PHC1: variants seen among roughly 807,000 people sequenced by gnomAD.
PHC1 encodes polyhomeotic homolog 1.
Under a neutral mutation model 104.3 loss-of-function variants are expected in PHC1, and 12 were observed. The observed-to-expected ratio is 0.12, with a 90% confidence interval of 0.07 to 0.19. The LOEUF (loss-of-function observed/expected upper bound fraction) is 0.19, where lower values mean the gene tolerates loss of function less well. PHC1 is among the 10% of genes least tolerant of loss of function. The probability of loss-of-function intolerance (pLI) is 1.00; values close to 1 mark genes in which losing one functional copy is unlikely to be tolerated. For missense variants in PHC1, 671 were observed against 1,200.0 expected (o/e 0.56, Z 6.51); for synonymous variants, 302 against 455.8 (o/e 0.66, Z 4.30).
chr12:8,924,558 T>A (rs1019475802), intron 6 of PHC1, among the ~76,000 whole-genome samples: 2 of 152,236 alleles, frequency 1.3e-5, no homozygotes, highest in African/African-American at 4.8e-5. Context: ...TACATTACTT[T>A]GCAATGCCTT....
At chr12:8,936,257 T>C (rs10400516) in intron 11 of PHC1, among the ~76,000 whole-genome samples, 115,412 of 152,088 alleles carry the variant, frequency 0.76, 44,889 homozygotes, top group Non-Finnish European at 0.84. Context: ...TGGCACATGC[T>C]TGTAGTCCCA....
chr12:8,921,520 T>G lies in PHC1; in HGVS notation c.307-81T>G, dbSNP rs756699129. On this transcript the variant is annotated intron_variant, in intron 4 of 14. Transcript: ENST00000544916. ...GTGAAATACTCTGTTCTTGACTGTG[T>G]GACTCTGAATTTGTCAGTCACGTAC... is the stretch of plus-strand genomic sequence containing the variant. The G allele has an allele frequency of 2.9e-4, 368 of 1,254,522 alleles. 1 individual carries two copies. Among genetic ancestry groups the G allele is most frequent in the Non-Finnish European group, 4.1e-4 (352 of 863,784 alleles). 77.7% of individuals were successfully genotyped at this position (1,254,522 alleles called of 1,614,324 possible).
At chr12:8,938,711 A>T (rs1482147313) in intron 14 of PHC1, among the ~76,000 whole-genome samples, 1 of 152,178 alleles carries the variant, frequency 6.6e-6, no homozygotes, top group East Asian at 1.9e-4. Context: ...AAAAGAAAAC[A>T]TGCTTTTATT....
Position 8,933,816 on chromosome 12 carries a change from TATC to T in PHC1, c.1894-48_1894-46del, listed in dbSNP as rs1490611779. The T allele has an allele frequency of 5.9e-6, 9 of 1,517,158 alleles. No homozygotes were observed. The South Asian group carries it at 1.1e-4, about 18-fold the overall frequency. 94.0% of individuals were successfully genotyped at this position (1,517,158 alleles called of 1,614,324 possible). On this transcript the variant is annotated intron_variant, in intron 8 of 14. Coordinates refer to ENST00000544916, the MANE Select transcript of PHC1 (RefSeq NM_004426.3). ...TATGGTAATAATTGTGGTTCCTTAT[TATC>T]CTTCATTTGTACATCTTTGTTTCTT...
intron 14 of PHC1, among the ~76,000 whole-genome samples, 200 bp from the exon 15 acceptor site, chr12:8,939,105 C>T (rs991357076): frequency 3.9e-5 from 6 of 152,220 alleles, no homozygotes; most frequent in Admixed American, 2.6e-4. Context: ...GGATTATAGG[C>T]GTGAGCCTCT....
chr12:8,936,755 T>G (rs1592212828), intron 11 of PHC1, 101 bp from the exon 12 acceptor site: 2 of 772,188 alleles, frequency 2.6e-6, no homozygotes, highest in South Asian at 1.6e-5. Flanking sequence ...TTTTTGGGGG[T>G]GAACCCTGAG....
At chr12:8,928,966 C>T (rs747158959) in intron 6 of PHC1, among the ~76,000 whole-genome samples, 11 of 152,242 alleles carry the variant, frequency 7.2e-5, no homozygotes, top group African/African-American at 2.4e-4. Context: ...GATTCCAGGT[C>T]GTGGTTGCTA....
At chr12:8,918,249 A>C (rs903538643) in intron 2 of PHC1, among the ~76,000 whole-genome samples, 1 of 152,246 alleles carries the variant, frequency 6.6e-6, no homozygotes, top group African/African-American at 2.4e-5. Flanking sequence ...AAATAGTTCT[A>C]ATTATTAAAG....
intron 6 of PHC1, among the ~76,000 whole-genome samples, chr12:8,927,067 A>G (rs1378515527): frequency 6.6e-6 from 1 of 152,184 alleles, no homozygotes; most frequent in Non-Finnish European, 1.5e-5. Flanking sequence ...AGAGCAGCAG[A>G]TAGGAAAATC....
chr12:8,940,667 A>G lies in PHC1; in HGVS notation c.*1208A>G, dbSNP rs1945985966. On this transcript the variant is annotated 3_prime_UTR_variant, in exon 15 of 15. Coordinates refer to ENST00000544916, the MANE Select transcript of PHC1 (RefSeq NM_004426.3). The stretch of plus-strand genomic sequence containing the variant: ...TTCAGTGGCCCAGGGGTTCACTATT[A>G]AAGAAAGATCAGTCCAGGTTTCTGG... 1.5e-5 allele frequency: 1 copy of G among 67,320 alleles called. No individual in the cohort carries two copies. Among genetic ancestry groups the G allele is most frequent in the African/African-American group, 7.4e-5 (1 of 13,508 alleles). 4.2% of individuals were successfully genotyped at this position (67,320 alleles called of 1,614,324 possible).
At chr12:8,921,931 A>C (rs1453146912) in intron 5 of PHC1, among the ~76,000 whole-genome samples, 181 bp downstream of exon 5, 1 of 152,200 alleles carries the variant, frequency 6.6e-6, no homozygotes, top group Non-Finnish European at 1.5e-5. Flanking sequence ...CTCCTGCCTC[A>C]GCCTCCCAGG....
At chr12:8,924,749 A>G (rs1032215569) in intron 6 of PHC1, among the ~76,000 whole-genome samples, 4 of 152,214 alleles carry the variant, frequency 2.6e-5, no homozygotes, top group Non-Finnish European at 5.9e-5. Flanking sequence ...AGAAGAGGTC[A>G]TTGCTGGGGT....
chr12:8,925,598 A>T (rs921032229), intron 6 of PHC1, among the ~76,000 whole-genome samples: 7 of 152,172 alleles, frequency 4.6e-5, no homozygotes, highest in Non-Finnish European at 1.0e-4. Flanking sequence ...CAGTGTGTCC[A>T]AAGGTCCTGA....
At chr12:8,922,369 A>G (rs1321505565) in intron 5 of PHC1, among the ~76,000 whole-genome samples, 6 of 152,222 alleles carry the variant, frequency 3.9e-5, no homozygotes, top group Non-Finnish European at 8.8e-5. Flanking sequence ...ATATATAAGT[A>G]CTTGTTCTAA....
chr12:8,930,999 C>CT (rs1237727533), intron 7 of PHC1, 72 bp downstream of exon 7: 1 of 1,481,250 alleles, frequency 6.8e-7, no homozygotes, highest in Non-Finnish European at 9.0e-7. Flanking sequence ...CTTTTTTTGC[C>CT]TTTTTTTCTT....
At chr12:8,915,097 T>C (rs1487616346) in intron 1 of PHC1, 2 of 152,640 alleles carry the variant, frequency 1.3e-5, no homozygotes, top group Non-Finnish European at 2.9e-5. Context: ...CTTCTCTGAC[T>C]TTGGTCCTTC....
chr12:8,921,908 G>T (rs774705651), intron 5 of PHC1, among the ~76,000 whole-genome samples, 158 bp downstream of exon 5: 6 of 152,308 alleles, frequency 3.9e-5, no homozygotes, highest in Non-Finnish European at 8.8e-5. Flanking sequence ...CTGCCTCCCA[G>T]GTTCCAGCGA....
Position 8,919,745 on chromosome 12 carries a change from T to C in PHC1, c.115-11T>C, listed in dbSNP as rs758221045. ...GGTCCATTCTAAATGTTTTATCCTC[T>C]CTTTTCCTAGGCTCTGCAAGCACTG... On this transcript the variant is annotated splice_polypyrimidine_tract_variant and intron_variant, in intron 2 of 14. Coordinates refer to ENST00000544916, the MANE Select transcript of PHC1 (RefSeq NM_004426.3). This position sits in a 1 kb window ranked among gnomAD's most constrained non-coding sequence, Gnocchi z 4.9. 1.2e-5 allele frequency: 19 copies of C among 1,610,390 alleles called. No homozygotes were observed. The Admixed American group carries it at 3.2e-4, about 27-fold the overall frequency.
rs1945947045 is a variant in PHC1 at position 8,939,518 on chromosome 12, C to T, written c.*59C>T. On this transcript the variant is annotated 3_prime_UTR_variant, in exon 15 of 15. Coordinates refer to ENST00000544916, the MANE Select transcript of PHC1 (RefSeq NM_004426.3). ...ACACTCTCCACTGTCCAGGTTATAACCTGGTACCAGCAGACTTTGCAGGGA... is the reference window on the plus strand; with the variant it reads ...ACACTCTCCACTGTCCAGGTTATAATCTGGTACCAGCAGACTTTGCAGGGA... 2.2e-5 allele frequency: 21 copies of T among 939,040 alleles called. No individual in the cohort carries two copies. The highest frequency in any genetic ancestry group is 3.2e-5 in the Non-Finnish European group (20 of 629,248). The allele number at this position is 939,040 out of a possible 1,614,324, so 58.2% of individuals were successfully genotyped here.
Sources: gnomAD v4.1 joint callset for allele counts (sites outside exome capture counted in the v4.1 genomes callset) on GRCh38, gnomAD v4.1.1 for gene constraint, Gnocchi (gnomAD v3.1) non-coding constraint, MANE v1.5 for transcripts, NCBI Gene and HGNC (gene_info 2026-07-23, HGNC 2026-07-21) for gene names.